The following SPAG17 variants were observed in gnomAD, a reference collection of about 807,000 sequenced individuals.
SPAG17 encodes sperm-associated antigen 17.
SPAG17 carries 169 observed loss-of-function variants against 273.6 expected under a neutral mutation model. The observed-to-expected ratio is 0.62, with a 90% CI of 0.55 to 0.70. The LOEUF is 0.70. Ranked by LOEUF, SPAG17 falls within the 30% of genes least tolerant of loss-of-function variation. The probability of loss-of-function intolerance (pLI) is 0.00; values close to 1 mark genes in which losing one functional copy is unlikely to be tolerated. For synonymous variants in SPAG17, 825 were observed against 873.2 expected, an observed-to-expected ratio of 0.94 and a Z score of 0.97; for missense variants, 2,557 against 2,627.8, an observed-to-expected ratio of 0.97 and a Z score of 0.59.
In SPAG17 at chr1:118,040,623, G is replaced by A. The variant is rs1649632385; in HGVS notation, c.3166+107C>T. On this transcript the variant is annotated intron_variant, in intron 22 of 48. Transcript: ENST00000336338. ...CTGTGGCACCTAAATGTATTGTGGG[G>A]GACAGAATAACACTCTCGCCTATCA... 1.1e-5 allele frequency: 8 copies of A among 714,408 alleles called. No individual in the cohort carries two copies. In the Admixed American group the frequency reaches 1.9e-4, roughly 17 times the overall value. 44.3% of individuals were successfully genotyped at this position (714,408 alleles called of 1,614,324 possible).
intron 13 of SPAG17, among the ~76,000 whole-genome samples, chr1:118,083,324 T>G (rs1235078434): frequency 6.6e-6 from 1 of 152,044 alleles, no homozygotes; most frequent in East Asian, 1.9e-4. Context: ...CCAACCAACA[T>G]TTTAGAAGGG....
intron 15 of SPAG17, among the ~76,000 whole-genome samples, chr1:118,075,034 G>C (rs545538128): frequency 6.6e-6 from 1 of 152,186 alleles, no homozygotes; most frequent in African/African-American, 2.4e-5. Flanking sequence ...AGACTAGGGT[G>C]GGGGCAGGCC....
chr1:118,181,488 A>G (rs1046941806), intron 1 of SPAG17, among the ~76,000 whole-genome samples: 5 of 152,082 alleles, frequency 3.3e-5, no homozygotes, highest in Admixed American at 3.3e-4. Context: ...TAACCAAGAG[A>G]GAGCAGGGGA....
intron 42 of SPAG17, among the ~76,000 whole-genome samples, chr1:117,983,207 ACCCATCAGAT>A (rs1656026074): frequency 6.6e-6 from 1 of 152,108 alleles, no homozygotes; most frequent in African/African-American, 2.4e-5. Flanking sequence ...CCCCTTATAA[ACCCATCAGAT>A]CTCATGAAAC....
At chr1:118,011,876 A>T (rs1293889189) in intron 30 of SPAG17, among the ~76,000 whole-genome samples, 3 of 152,174 alleles carry the variant, frequency 2.0e-5, no homozygotes, top group Non-Finnish European at 2.9e-5. Flanking sequence ...ACAACTAAAA[A>T]TAAGTATCTG....
At chr1:118,087,057 G>A (rs1655053757) in intron 10 of SPAG17, 49 bp from the exon 11 acceptor site, 1 of 1,515,530 alleles carries the variant, frequency 6.6e-7, no homozygotes, top group Non-Finnish European at 8.8e-7. Flanking sequence ...CCGCTCTTTA[G>A]TGATACTCAC....
At chr1:118,037,764 G>C (rs899381414) in intron 23 of SPAG17, among the ~76,000 whole-genome samples, 7 of 152,136 alleles carry the variant, frequency 4.6e-5, no homozygotes, top group Admixed American at 4.6e-4. Context: ...CAACTAGGTT[G>C]ATTCCATTTC....
At chr1:118,150,324 G>A (rs923074702) in intron 3 of SPAG17, 3 of 347,836 alleles carry the variant, frequency 8.6e-6, no homozygotes, top group Non-Finnish European at 1.6e-5. Flanking sequence ...TGGTATAAAC[G>A]ATCTAGGAAA....
At chr1:118,114,395 AG>A (rs1208938081) in intron 4 of SPAG17, among the ~76,000 whole-genome samples, 1 of 152,194 alleles carries the variant, frequency 6.6e-6, no homozygotes, top group Non-Finnish European at 1.5e-5. Context: ...TACCTTGTTG[AG>A]GGGCCAATTC....
At chr1:118,101,226 G>T (rs966279470) in intron 5 of SPAG17, among the ~76,000 whole-genome samples, 1 of 152,086 alleles carries the variant, frequency 6.6e-6, no homozygotes, top group Non-Finnish European at 1.5e-5. Context: ...GCCACTCTTG[G>T]CAACATAGAG....
In SPAG17 at chr1:118,135,371, ATGTGTGTGTG is replaced by A. The variant is rs57793942; in HGVS notation, c.315+15162_315+15171del. Among the ~76,000 whole-genome samples the A allele has an allele frequency of 4.0e-3, 558 of 140,022 alleles. 2 individuals carry two copies. The highest frequency in any genetic ancestry group is 0.013 in the African/African-American group (490 of 37,568). The allele number at this position is 140,022 out of a possible 152,430, so 91.9% of individuals were successfully genotyped here. A position where few individuals can be genotyped will look rare whatever the true frequency, so the allele number is the denominator to read the frequency against. ...AAACTGTGGTTTATCAGCTCAAGCA[ATGTGTGTGTG>A]TGTGTGTGTGTGTGTGTGTGTGTGT... On this transcript the variant is annotated intron_variant, in intron 3 of 48. Transcript: ENST00000336338.
intron 3 of SPAG17, among the ~76,000 whole-genome samples, chr1:118,140,264 AT>A (rs1196383547): frequency 2.0e-5 from 3 of 152,158 alleles, no homozygotes; most frequent in African/African-American, 7.2e-5. Flanking sequence ...GGAAAAATAC[AT>A]TTTTTCTTTT....
chr1:118,146,024 T>C (rs1302285942), intron 3 of SPAG17, among the ~76,000 whole-genome samples: 1 of 152,202 alleles, frequency 6.6e-6, no homozygotes, highest in Non-Finnish European at 1.5e-5. Flanking sequence ...GTGACCACCA[T>C]CATGAAATGA....
intron 1 of SPAG17, among the ~76,000 whole-genome samples, chr1:118,165,738 C>T (rs903571630): frequency 6.6e-5 from 10 of 151,220 alleles, no homozygotes; most frequent in African/African-American, 2.4e-4. Context: ...CTCCGCCTCC[C>T]GGGTTCACGC....
chr1:118,147,751 T>C (rs971236778), intron 3 of SPAG17, among the ~76,000 whole-genome samples: 2 of 152,220 alleles, frequency 1.3e-5, no homozygotes, highest in African/African-American at 4.8e-5. Flanking sequence ...GCCATCCAAA[T>C]GAAAACTTGA....
At position 118,091,633 on chromosome 1, in the gene SPAG17, G is replaced by A. The variant is rs1455966574; in HGVS notation, c.1332C>T (p.Pro444=). ...GTTCCAGCATACAATGCAGTATCAG[G>A]GGCACAGAAATGAATTCCTCTCGAA... ...NPIREEFISV[P]LILHCMLEQV... is the part of the protein sequence containing the mutation. Residue 444 remains proline, a synonymous_variant, in exon 10 of 49, where the codon CCC becomes CCT. Coordinates refer to ENST00000336338, the MANE Select transcript of SPAG17 (RefSeq NM_206996.4). 3 of 1,611,292 alleles carry A rather than the reference G, an allele frequency of 1.9e-6. No homozygotes were observed. Among genetic ancestry groups the A allele is most frequent in the Non-Finnish European group, 1.7e-6 (2 of 1,177,788 alleles).
rs1159653698 is a variant in SPAG17, at chr1:117,983,835, G to C, written c.5848C>G (p.Gln1950Glu). The C allele has an allele frequency of 6.2e-7, 1 of 1,611,702 alleles. No individual in the cohort carries two copies. Among genetic ancestry groups the C allele is most frequent in the Non-Finnish European group, 8.5e-7 (1 of 1,178,562 alleles). Residue 1950 changes from glutamine (Q) to glutamate (E), a missense_variant, in exon 42 of 49, where the codon CAA becomes GAA. Coordinates refer to ENST00000336338, the MANE Select transcript of SPAG17 (RefSeq NM_206996.4). ...KNEDANETAV[Q>E]DTSDLNLDFK... ...CCTAGATTAAGATCAGATGTATCTT[G>C]AACAGCTGTTTCGTTTGCATCTTCA...
chr1:117,972,411 G>A (rs189380131), intron 44 of SPAG17, among the ~76,000 whole-genome samples: 54 of 152,340 alleles, frequency 3.5e-4, no homozygotes, highest in Admixed American at 3.5e-3. Flanking sequence ...ACAGATTGCT[G>A]ACTTTACCCC....
At chr1:117,969,679 C>T (rs1300586768) in intron 46 of SPAG17, among the ~76,000 whole-genome samples, 3 of 152,034 alleles carry the variant, frequency 2.0e-5, no homozygotes, top group African/African-American at 7.2e-5. Context: ...ACCAGATTTA[C>T]GTAAAATATG....
Sources: gnomAD v4.1 joint callset for allele counts (sites outside exome capture counted in the v4.1 genomes callset) on GRCh38, gnomAD v4.1.1 for gene constraint, MANE v1.5 for transcripts, NCBI Gene and HGNC (gene_info 2026-07-23, HGNC 2026-07-21) for gene names.